KNDC1: variants seen among roughly 807,000 people sequenced by gnomAD.
KNDC1 encodes kinase non-catalytic C-lobe domain containing 1.
In KNDC1, 106 loss-of-function variants were observed where a neutral mutation model predicts 172.8. The observed-to-expected ratio is 0.61, with a 90% CI of 0.52 to 0.72. The LOEUF is 0.72. Ranked by LOEUF, KNDC1 falls within the 30% of genes least tolerant of loss-of-function variation. The probability of loss-of-function intolerance (pLI) is 0.00; values close to 1 mark genes in which losing one functional copy is unlikely to be tolerated. For missense variants in KNDC1, 2,325 were observed against 2,394.5 expected, an observed-to-expected ratio of 0.97 and a Z score of 0.61; for synonymous variants, 1,083 against 1,062.2, an observed-to-expected ratio of 1.02 and a Z score of -0.38.
chr10:133,202,600 C>T (rs1265820357), intron 17 of KNDC1: 9 of 456,484 alleles, frequency 2.0e-5, no homozygotes, highest in Admixed American at 1.2e-4. Context: ...CCGTCTGCCT[C>T]GAGCTGAGCC....
At chr10:133,189,911 G>T in intron 9 of KNDC1, 98 bp downstream of exon 9, 5 of 1,049,732 alleles carry the variant, frequency 4.8e-6, no homozygotes, top group Non-Finnish European at 7.1e-6. Context: ...GGACTCGAGG[G>T]AGTCAGGGCA....
chr10:133,218,288 C>T (rs149018695), intron 26 of KNDC1, among the ~76,000 whole-genome samples: 86 of 152,380 alleles, frequency 5.6e-4, no homozygotes, highest in African/African-American at 1.9e-3. Flanking sequence ...GTGAGGCATT[C>T]ACCACCCATG....
Position 133,199,454 on chromosome 10 carries a change from C to T in KNDC1, c.2759-4C>T. The T allele has an allele frequency of 6.2e-7, 1 of 1,613,190 alleles. No homozygotes were observed. The highest frequency in any genetic ancestry group is 1.3e-5 in the African/African-American group (1 of 75,064). ...CACTTGTCTCCATCGTTTTGCAAAA[C>T]CAGGGGAGTACATCTTCGCCTTGAA... On this transcript the variant is annotated splice_region_variant and splice_polypyrimidine_tract_variant and intron_variant, in intron 14 of 29. Transcript: ENST00000304613.
chr10:133,171,824 C>G (rs1172595164), intron 3 of KNDC1, among the ~76,000 whole-genome samples: 2 of 151,924 alleles, frequency 1.3e-5, no homozygotes, highest in African/African-American at 2.4e-5. Context: ...TTAGGTTGCC[C>G]AGGCTGGTCT....
intron 26 of KNDC1, 36 bp from the exon 27 acceptor site, chr10:133,218,795 C>T (rs1845521225): frequency 6.2e-7 from 1 of 1,600,908 alleles, no homozygotes; most frequent in African/African-American, 1.3e-5. Flanking sequence ...TCATCTTAAA[C>T]CAGAAGACGC....
At chr10:133,197,497 A>G (rs974741939) in intron 11 of KNDC1, among the ~76,000 whole-genome samples, 178 bp from the exon 12 acceptor site, 6 of 152,138 alleles carry the variant, frequency 3.9e-5, no homozygotes, top group Non-Finnish European at 8.8e-5. Context: ...AGGAGCCCCA[A>G]CGGCTCCCTC....
chr10:133,182,178 A>G (rs1466322679), intron 3 of KNDC1, among the ~76,000 whole-genome samples: 2 of 152,090 alleles, frequency 1.3e-5, no homozygotes, highest in African/African-American at 4.8e-5. Context: ...CTTTCTGTGA[A>G]GACTGGATGC....
chr10:133,180,581 C>T (rs972820208), intron 3 of KNDC1, among the ~76,000 whole-genome samples: 6 of 152,362 alleles, frequency 3.9e-5, no homozygotes, highest in African/African-American at 9.6e-5. Flanking sequence ...CCTGTAGCCT[C>T]GGGGTGGAGA....
chr10:133,186,062 G>C lies in KNDC1; in HGVS notation c.714G>C (p.Glu238Asp). ...RPPGDPSTDPEVLPTPEGPES... is the reference protein window; with the variant it reads ...RPPGDPSTDPDVLPTPEGPES... ...CCGGGGACCCCAGCACTGACCCGGA[G>C]GTTCTGCCGACCCCCGAAGGCCCGG... Residue 238 changes from glutamate to aspartate, a missense_variant, in exon 6 of 30, where the codon GAG becomes GAC. By Grantham distance (45) the Glu-to-Asp change is conservative. Transcript: ENST00000304613. The C allele has an allele frequency of 1.3e-6, 2 of 1,599,650 alleles. No individual in the cohort carries two copies. Among genetic ancestry groups the C allele is most frequent in the Non-Finnish European group, 1.7e-6 (2 of 1,174,264 alleles).
At chr10:133,171,963 GT>G (rs979545625) in intron 3 of KNDC1, among the ~76,000 whole-genome samples, 11 of 152,246 alleles carry the variant, frequency 7.2e-5, no homozygotes, top group Middle Eastern at 3.4e-3. Flanking sequence ...TCTTGCTAAA[GT>G]TTTTTTAATA....
intron 26 of KNDC1, among the ~76,000 whole-genome samples, chr10:133,217,977 T>TGACCAACG (rs1845502088): frequency 2.7e-5 from 4 of 148,190 alleles, no homozygotes; most frequent in African/African-American, 7.8e-5. Flanking sequence ...GGAGAATCAC[T>TGACCAACG]TGAACCCGGG....
chr10:133,197,197 G>T, intron 11 of KNDC1, 62 bp downstream of exon 11: 1 of 1,362,016 alleles, frequency 7.3e-7, no homozygotes, highest in South Asian at 1.2e-5. Flanking sequence ...CCTCCTGGAC[G>T]CACTTGCCCT....
At chr10:133,216,121 T>C (rs1490228708) in intron 26 of KNDC1, among the ~76,000 whole-genome samples, 2 of 152,180 alleles carry the variant, frequency 1.3e-5, no homozygotes, top group African/African-American at 4.8e-5. Context: ...CAGAAAATCA[T>C]TAAAATACAA....
chr10:133,163,388 G>A lies in KNDC1; in HGVS notation c.102+2819G>A, dbSNP rs1314207725. 6.6e-6 allele frequency among the ~76,000 whole-genome samples: 1 copy of A among 152,168 alleles called. No homozygotes were observed. Among genetic ancestry groups the A allele is most frequent in the Non-Finnish European group, 1.5e-5 (1 of 68,032 alleles). On this transcript the variant is annotated intron_variant, in intron 1 of 29. Coordinates refer to ENST00000304613, the MANE Select transcript of KNDC1 (RefSeq NM_152643.8). This position sits in a 1 kb window ranked among gnomAD's most constrained non-coding sequence, Gnocchi z 4.4. ...ACAGGATGCAGTTGCTCCCTGGAGG[G>A]GCACACAGCTGGGGGCTCCCAGTAA... is the stretch of plus-strand genomic sequence containing the variant.
rs1845529747 is a variant in KNDC1 at position 133,219,146 on chromosome 10, C to T, written c.4860+56C>T. 6 of 1,575,910 alleles carry T rather than the reference C, an allele frequency of 3.8e-6. No individual in the cohort carries two copies. In the South Asian group the frequency reaches 4.6e-5, roughly 12 times the overall value. ...TGGTCCCCCGAGGCCCTCTCCTAAA[C>T]GAACTGCTGTGCAGAGCCTGCCGCA... On this transcript the variant is annotated intron_variant, in intron 28 of 29. Transcript: ENST00000304613.
chr10:133,174,969 T>G (rs1007871586), intron 3 of KNDC1, among the ~76,000 whole-genome samples: 1 of 150,454 alleles, frequency 6.6e-6, no homozygotes, highest in Non-Finnish European at 1.5e-5. Context: ...GATATGTGGA[T>G]GGATGAGTGG....
intron 3 of KNDC1, among the ~76,000 whole-genome samples, chr10:133,177,322 C>T (rs73386702): frequency 0.034 from 5,103 of 151,864 alleles, 110 homozygotes; most frequent in African/African-American, 0.056. Flanking sequence ...ATGTATGTAG[C>T]GTGGTGTCAT....
At chr10:133,177,619 CAT>C (rs542751428) in intron 3 of KNDC1, among the ~76,000 whole-genome samples, 36 of 151,618 alleles carry the variant, frequency 2.4e-4, no homozygotes, top group East Asian at 7.8e-4. Flanking sequence ...TGTGCATGCA[CAT>C]AGTGTGTTGT....
At position 133,185,328 on chromosome 10, in the gene KNDC1, G is replaced by A. The variant is rs1167478363; in HGVS notation, c.626-646G>A. ...TAGAGTAGGCAGTGTGTACAGTGTG[G>A]AGTAGGCAGTGTGTGCAGTGTGGAG... is the stretch of plus-strand genomic sequence containing the variant. On this transcript the variant is annotated intron_variant, in intron 5 of 29. Transcript: ENST00000304613. Among the ~76,000 whole-genome samples, 3 of 150,566 alleles carry A rather than the reference G, an allele frequency of 2.0e-5. No individual in the cohort carries two copies. In the East Asian group the frequency reaches 5.9e-4, roughly 30 times the overall value.
Sources: allele counts gnomAD v4.1 joint callset (sites outside exome capture counted in the v4.1 genomes callset), GRCh38; gene constraint gnomAD v4.1.1; non-coding constraint Gnocchi (gnomAD v3.1); transcripts MANE v1.5; gene names NCBI Gene and HGNC (gene_info 2026-07-23, HGNC 2026-07-21).